Variants in DRD4 observed in about 807,000 individuals in gnomAD.
The protein encoded by DRD4 is D(4) dopamine receptor.
In DRD4, 26 loss-of-function variants were observed where a neutral mutation model predicts 22.1. The observed-to-expected ratio is 1.17, with a 90% CI of 0.86 to 1.63. The LOEUF (loss-of-function observed/expected upper bound fraction) is 1.63. Among genes scored for constraint, DRD4 ranks in the 40% most tolerant of loss-of-function variants. The pLI, the probability that DRD4 is intolerant of heterozygous loss-of-function variation, is 0.00. For missense variants in DRD4, 913 were observed against 632.4 expected (o/e 1.44, Z -4.76); for synonymous variants, 455 against 306.7 (o/e 1.48, Z -5.05).
At position 640,134 on chromosome 11, in the gene DRD4, GCCCCCCGCGCCCGGCCT is replaced by G; in HGVS notation, c.893_909del (p.Ala298GlyfsTer146). The stretch of plus-strand genomic sequence containing the variant: ...AGGACCCCTGCGGCCCCGACTGTGC[GCCCCCCGCGCCCGGCCT>G]CCCCCCGGACCCCTGCGGCTCCAAC... On this transcript the variant is annotated frameshift_variant, in exon 3 of 4. Coordinates refer to ENST00000176183, the MANE Select transcript of DRD4 (RefSeq NM_000797.4). LOFTEE classifies it high-confidence loss of function. 1.4e-6 allele frequency: 2 copies of G among 1,436,160 alleles called. No homozygotes were observed. The highest frequency in any genetic ancestry group is 1.8e-6 in the Non-Finnish European group (2 of 1,092,144). 89.0% of individuals were successfully genotyped at this position (1,436,160 alleles called of 1,614,324 possible). A position where few individuals can be genotyped will look rare whatever the true frequency, so the allele number is the denominator to read the frequency against.
At chr11:638,356 G>C (rs1245137510) in intron 1 of DRD4, among the ~76,000 whole-genome samples, 1 of 152,184 alleles carries the variant, frequency 6.6e-6, no homozygotes, top group Non-Finnish European at 1.5e-5. Context: ...GGCGGCTGGG[G>C]CAGAGACCAG....
chr11:640,667 G>A lies in DRD4; in HGVS notation c.*64G>A, dbSNP rs1858223249. On this transcript the variant is annotated 3_prime_UTR_variant, in exon 4 of 4. Transcript: ENST00000176183. ...GCCTCAGGGACCAAGGAGATGGGGA[G>A]GGCGCTTTTGTACGTTAATTAAACA... The A allele has an allele frequency of 6.4e-7, 1 of 1,571,920 alleles. No homozygotes were observed. The highest frequency in any genetic ancestry group is 1.1e-5 in the South Asian group (1 of 90,228).
chr11:637,402 A>G lies in DRD4; in HGVS notation c.98A>G (p.Gln33Arg). Residue 33 changes from glutamine to arginine, a missense_variant, in exon 1 of 4, where the codon CAG becomes CGG. Gln to Arg is a conservative substitution (Grantham distance 43). Coordinates refer to ENST00000176183, the MANE Select transcript of DRD4 (RefSeq NM_000797.4). ...GGGGCATCTGCGGGGCTGGCTGGGC[A>G]GGGCGCGGCGGCGCTGGTGGGGGGC... Reference protein sequence around the residue: ...SAGASAGLAGQGAAALVGGVL... With the variant: ...SAGASAGLAGRGAAALVGGVL... The G allele has an allele frequency of 2.0e-6, 3 of 1,482,952 alleles. No homozygotes were observed. The highest frequency in any genetic ancestry group is 2.7e-6 in the Non-Finnish European group (3 of 1,124,306). 91.9% of individuals were successfully genotyped at this position (1,482,952 alleles called of 1,614,324 possible).
Position 639,458 on chromosome 11 carries a change from G to A in DRD4, c.311G>A (p.Ser104Asn), listed in dbSNP as rs1054473171. 1 of 1,597,802 alleles carries A rather than the reference G, an allele frequency of 6.3e-7. No individual in the cohort carries two copies. Among genetic ancestry groups the A allele is most frequent in the Non-Finnish European group, 8.5e-7 (1 of 1,177,746 alleles). The change falls in exon 2 of 4, where the codon AGC becomes AAC. Residue 104 changes from serine (S) to asparagine (N), a missense_variant. Physicochemically the swap from Ser to Asn is conservative, Grantham distance 46. Transcript: ENST00000176183. The part of the protein sequence containing the change: ...SEVQGGAWLL[S>N]PRLCDALMAM... ...GTCCAGGGTGGCGCGTGGCTGCTGA[G>A]CCCCCGCCTGTGCGACGCCCTCATG...
At chr11:637,832 C>T (rs954933863) in intron 1 of DRD4, among the ~76,000 whole-genome samples, 1 of 152,226 alleles carries the variant, frequency 6.6e-6, no homozygotes, top group Non-Finnish European at 1.5e-5. Context: ...TCTGTCTTGG[C>T]GTCTGTTATC....
chr11:639,923 C>A lies in DRD4; in HGVS notation c.674C>A (p.Ala225Glu). The stretch of plus-strand genomic sequence containing the variant: ...CGCGGCCTGCAGCGCTGGGAGGTGG[C>A]ACGTCGCGCCAAGCTGCACGGCCGC... The part of the protein sequence containing the change: ...TFRGLQRWEV[A>E]RRAKLHGRAP... Residue 225 changes from alanine (A) to glutamate (E), a missense_variant, in exon 3 of 4, where the codon GCA (alanine) becomes GAA (glutamate). Transcript: ENST00000176183. The A allele has an allele frequency of 6.5e-7, 1 of 1,549,076 alleles. No homozygotes were observed.
Position 637,272 on chromosome 11 carries a change from G to T in DRD4, c.-33G>T. ...ACTCCCCGGCTTGCGACCCGGCGTT[G>T]TCCGCGGTGCTCAGCGCCCGCCCGG... On this transcript the variant is annotated 5_prime_UTR_variant, in exon 1 of 4. Transcript: ENST00000176183. 1.7e-6 allele frequency: 2 copies of T among 1,173,840 alleles called. No individual in the cohort carries two copies. The highest frequency in any genetic ancestry group is 1.1e-6 in the Non-Finnish European group (1 of 951,460). The allele number at this position is 1,173,840 out of a possible 1,614,324, so 72.7% of individuals were successfully genotyped here.
In DRD4 at chr11:640,223, C is replaced by T; in HGVS notation, c.974C>T (p.Thr325Ile). Residue 325 changes from threonine to isoleucine, a missense_variant, in exon 3 of 4, where the codon ACT becomes ATT. Physicochemically the swap from Thr to Ile is moderately conservative, Grantham distance 89 (BLOSUM62 -1). Coordinates refer to ENST00000176183, the MANE Select transcript of DRD4 (RefSeq NM_000797.4). ...AGAGCCGCCGCGCTCCCACCCCAGA[C>T]TCCACCGCAGACCCGCAGGAGGCGG... ...AVRAAALPPQ[T>I]PPQTRRRRRA... 2 of 1,532,602 alleles carry T rather than the reference C, an allele frequency of 1.3e-6. No individual in the cohort carries two copies. Among genetic ancestry groups the T allele is most frequent in the Non-Finnish European group, 1.7e-6 (2 of 1,146,298 alleles). The allele number at this position is 1,532,602 out of a possible 1,614,324, so 94.9% of individuals were successfully genotyped here.
chr11:639,500 T>C lies in DRD4; in HGVS notation c.353T>C (p.Leu118Pro), dbSNP rs765220861. The change falls in exon 2 of 4, where the codon CTG becomes CCG. Residue 118 changes from leucine (L) to proline (P), a missense_variant. Coordinates refer to ENST00000176183, the MANE Select transcript of DRD4 (RefSeq NM_000797.4). ...GCCCTCATGGCCATGGACGTCATGCTGTGCACCGCCTCCATCTTCAACCTG... is the reference window on the plus strand; with the variant it reads ...GCCCTCATGGCCATGGACGTCATGCCGTGCACCGCCTCCATCTTCAACCTG... ...CDALMAMDVM[L>P]CTASIFNLCA... The C allele has an allele frequency of 9.9e-5, 159 of 1,603,514 alleles. No individual in the cohort carries two copies. The highest frequency in any genetic ancestry group is 1.3e-4 in the Non-Finnish European group (154 of 1,178,960).
At chr11:639,324 C>T (rs1858143014) in intron 1 of DRD4, 109 bp from the exon 2 acceptor site, 4 of 1,039,530 alleles carry the variant, frequency 3.8e-6, no homozygotes, top group East Asian at 2.7e-5. Flanking sequence ...GGCTCACAGC[C>T]GGGCCCCCTT....
In DRD4 at chr11:638,578, T is replaced by C. The variant is rs140871014; in HGVS notation, c.286-855T>C. On this transcript the variant is annotated intron_variant, in intron 1 of 3. Coordinates refer to ENST00000176183, the MANE Select transcript of DRD4 (RefSeq NM_000797.4). ...TTATAATTTATCTTCAAGACAATTA[T>C]GATGTGGATACTATCATCACCCTTG... Among the ~76,000 whole-genome samples the C allele has an allele frequency of 7.9e-4, 120 of 152,090 alleles. 1 individual carries two copies. The highest frequency in any genetic ancestry group is 2.7e-3 in the African/African-American group (111 of 41,352).
In DRD4 at chr11:640,594, C is replaced by T; in HGVS notation, c.1251C>T (p.Ala417=). ...ACGTCTTCCGCAAGGCCCTGCGTGCCTGCTGCTGAGCCGGGCACCCCCGGA... is the reference window on the plus strand; with the variant it reads ...ACGTCTTCCGCAAGGCCCTGCGTGCTTGCTGCTGAGCCGGGCACCCCCGGA... ...FRNVFRKALR[A]CC is the part of the protein sequence containing the mutation. The change falls in exon 4 of 4, where the codon GCC becomes GCT. Residue 417 remains alanine, a synonymous_variant. Transcript: ENST00000176183. The T allele has an allele frequency of 6.3e-7, 1 of 1,599,480 alleles. No homozygotes were observed. The highest frequency in any genetic ancestry group is 1.7e-4 in the Middle Eastern group (1 of 6,060).
In DRD4 at chr11:639,471, C is replaced by A; in HGVS notation, c.324C>A (p.Cys108Ter). ...CGTGGCTGCTGAGCCCCCGCCTGTGCGACGCCCTCATGGCCATGGACGTCA... is the reference window on the plus strand; with the variant it reads ...CGTGGCTGCTGAGCCCCCGCCTGTGAGACGCCCTCATGGCCATGGACGTCA... Reference protein sequence around the residue: ...GGAWLLSPRLCDALMAMDVML... With the variant: ...GGAWLLSPRL Residue 108 changes from cysteine to a stop codon, truncating the protein, a stop_gained, in exon 2 of 4, where the codon TGC (cysteine) becomes TGA (stop). Transcript: ENST00000176183. LOFTEE classifies it high-confidence loss of function. The A allele has an allele frequency of 6.2e-7, 1 of 1,602,032 alleles. No individual in the cohort carries two copies. The highest frequency in any genetic ancestry group is 8.5e-7 in the Non-Finnish European group (1 of 1,178,814).
chr11:638,293 G>A (rs911387536), intron 1 of DRD4, among the ~76,000 whole-genome samples: 2 of 152,208 alleles, frequency 1.3e-5, no homozygotes, highest in African/African-American at 4.8e-5. Flanking sequence ...CGGTGTCCCC[G>A]ACTGTGGGGG....
Position 640,168 on chromosome 11 carries a change from G to T in DRD4, c.919G>T (p.Gly307Cys). The T allele has an allele frequency of 1.3e-6, 2 of 1,522,690 alleles. No individual in the cohort carries two copies. The allele number at this position is 1,522,690 out of a possible 1,614,324, so 94.3% of individuals were successfully genotyped here. A position where few individuals can be genotyped will look rare whatever the true frequency, so the allele number is the denominator to read the frequency against. Residue 307 changes from glycine (G) to cysteine (C), a missense_variant, in exon 3 of 4, where the codon GGC becomes TGC. Gly to Cys is a radical substitution (Grantham distance 159). Transcript: ENST00000176183. The stretch of plus-strand genomic sequence containing the variant: ...GCCCGGCCTCCCCCCGGACCCCTGC[G>T]GCTCCAACTGTGCTCCCCCCGACGC... ...PAPGLPPDPC[G>C]SNCAPPDAVR...
In DRD4 at chr11:640,236, C is replaced by T. The variant is rs1168957597; in HGVS notation, c.987C>T (p.Thr329=). ...TCCCACCCCAGACTCCACCGCAGAC[C>T]CGCAGGAGGCGGCGTGCCAAGATCA... is the stretch of plus-strand genomic sequence containing the variant. The part of the protein sequence containing the change: ...AALPPQTPPQ[T]RRRRRAKITG... The change falls in exon 3 of 4, where the codon ACC becomes ACT. Residue 329 remains threonine, a synonymous_variant. Transcript: ENST00000176183. 2 of 1,533,354 alleles carry T rather than the reference C, an allele frequency of 1.3e-6. No individual in the cohort carries two copies. Among genetic ancestry groups the T allele is most frequent in the African/African-American group, 1.4e-5 (1 of 73,092 alleles). The allele number at this position is 1,533,354 out of a possible 1,614,324, so 95.0% of individuals were successfully genotyped here.
Position 640,662 on chromosome 11 carries a change from G to A in DRD4, c.*59G>A. The A allele has an allele frequency of 6.3e-7, 1 of 1,579,144 alleles. No individual in the cohort carries two copies. The highest frequency in any genetic ancestry group is 8.6e-7 in the Non-Finnish European group (1 of 1,162,962). ...GCCAGGCCTCAGGGACCAAGGAGAT[G>A]GGGAGGGCGCTTTTGTACGTTAATT... On this transcript the variant is annotated 3_prime_UTR_variant, in exon 4 of 4. Transcript: ENST00000176183.
In DRD4 at chr11:639,455, T is replaced by C; in HGVS notation, c.308T>C (p.Leu103Pro). The C allele has an allele frequency of 6.3e-7, 1 of 1,597,638 alleles. No homozygotes were observed. The highest frequency in any genetic ancestry group is 8.5e-7 in the Non-Finnish European group (1 of 1,177,720). The change falls in exon 2 of 4, where the codon CTG becomes CCG. Residue 103 changes from leucine (L) to proline (P), a missense_variant. Transcript: ENST00000176183. Reference sequence around the variant, plus strand: ...CAGGTCCAGGGTGGCGCGTGGCTGCTGAGCCCCCGCCTGTGCGACGCCCTC... The same window carrying C: ...CAGGTCCAGGGTGGCGCGTGGCTGCCGAGCCCCCGCCTGTGCGACGCCCTC... Reference protein sequence around the residue: ...YSEVQGGAWLLSPRLCDALMA... With the variant: ...YSEVQGGAWLPSPRLCDALMA...
rs1858080567 is a variant in DRD4 at position 637,341 on chromosome 11, C to T, written c.37C>T (p.Leu13=). 3.9e-6 allele frequency: 5 copies of T among 1,278,024 alleles called. No individual in the cohort carries two copies. The highest frequency in any genetic ancestry group is 3.9e-6 in the Non-Finnish European group (4 of 1,018,772). 79.2% of individuals were successfully genotyped at this position (1,278,024 alleles called of 1,614,324 possible). A position where few individuals can be genotyped will look rare whatever the true frequency, so the allele number is the denominator to read the frequency against. The part of the protein sequence containing the change: ...NRSTADADGL[L]AGRGPAAGAS... ...CAGCACCGCGGACGCGGACGGGCTG[C>T]TGGCTGGGCGCGGGCCGGCCGCGGG... is the stretch of plus-strand genomic sequence containing the variant. The change falls in exon 1 of 4, where the codon CTG becomes TTG. Residue 13 remains leucine, a synonymous_variant. Transcript: ENST00000176183.
Sources: gnomAD v4.1 joint callset for allele counts (sites outside exome capture counted in the v4.1 genomes callset) on GRCh38, gnomAD v4.1.1 for gene constraint, MANE v1.5 for transcripts, NCBI Gene and HGNC (gene_info 2026-07-23, HGNC 2026-07-21) for gene names.